The following RORA variants were observed in gnomAD, a reference collection of about 807,000 sequenced individuals.
RORA encodes the protein RAR related orphan receptor A, also known as nuclear receptor ROR-alpha.
A neutral mutation model predicts 69.5 loss-of-function variants in RORA; 7 were observed. That is an observed-to-expected ratio of 0.10 (90% CI 0.06 to 0.19). The LOEUF is 0.19. Among genes scored for constraint, RORA ranks in the 10% least tolerant of loss-of-function variants. RORA has a pLI of 1.00. For missense variants in RORA, 457 were observed against 663.0 expected, an observed-to-expected ratio of 0.69 and a Z score of 3.41; for synonymous variants, 261 against 240.8, an observed-to-expected ratio of 1.08 and a Z score of -0.78.
intron 1 of RORA, among the ~76,000 whole-genome samples, chr15:60,804,293 A>C: frequency 6.7e-6 from 1 of 150,296 alleles, no homozygotes; most frequent in South Asian, 2.1e-4. Flanking sequence ...ATCTCAAAAA[A>C]AAAAAAAAAA....
At chr15:60,998,948 C>G (rs1894658352) in intron 1 of RORA, among the ~76,000 whole-genome samples, 1 of 152,142 alleles carries the variant, frequency 6.6e-6, no homozygotes, top group Non-Finnish European at 1.5e-5. Flanking sequence ...ACAGGGAGGT[C>G]TGTCTCTTTG....
At chr15:60,939,151 C>T (rs1366690777) in intron 1 of RORA, among the ~76,000 whole-genome samples, 1 of 152,226 alleles carries the variant, frequency 6.6e-6, no homozygotes, top group Non-Finnish European at 1.5e-5. Context: ...TCGGAGACTT[C>T]TTGTCATTCC....
At chr15:61,210,138 T>C (rs868368493) in intron 1 of RORA, among the ~76,000 whole-genome samples, 18 of 152,164 alleles carry the variant, frequency 1.2e-4, no homozygotes, top group African/African-American at 3.6e-4. Context: ...TCTAGAAACA[T>C]AGATGTTAAA....
chr15:60,946,732 G>A (rs1205524883), intron 1 of RORA, among the ~76,000 whole-genome samples: 4 of 148,794 alleles, frequency 2.7e-5, no homozygotes, highest in Non-Finnish European at 4.5e-5. Flanking sequence ...GCTGCCCATC[G>A]TCTGGGATGT....
At chr15:60,589,522 G>A (rs1317659253) in intron 2 of RORA, among the ~76,000 whole-genome samples, 1 of 152,202 alleles carries the variant, frequency 6.6e-6, no homozygotes, top group African/African-American at 2.4e-5. Flanking sequence ...TTTATGATGA[G>A]CAGAACAAGT....
intron 1 of RORA, among the ~76,000 whole-genome samples, chr15:60,680,585 C>G (rs1397600996): frequency 6.6e-6 from 1 of 152,018 alleles, no homozygotes; most frequent in South Asian, 2.1e-4. Context: ...ACTTTGGCAA[C>G]AACACAATCT....
chr15:60,615,510 C>T (rs1000764494), intron 2 of RORA, among the ~76,000 whole-genome samples: 1 of 152,134 alleles, frequency 6.6e-6, no homozygotes, highest in Non-Finnish European at 1.5e-5. Context: ...CCGGGGGCTC[C>T]AGCAGCAGCC....
intron 1 of RORA, among the ~76,000 whole-genome samples, chr15:60,955,528 T>C (rs1893241378): frequency 6.6e-6 from 1 of 152,214 alleles, no homozygotes; most frequent in Non-Finnish European, 1.5e-5. Flanking sequence ...TTCATGTCTT[T>C]AAAAATTCCT....
chr15:60,730,357 G>T (rs2071412646), intron 1 of RORA, among the ~76,000 whole-genome samples: 1 of 152,176 alleles, frequency 6.6e-6, no homozygotes, highest in African/African-American at 2.4e-5. Flanking sequence ...ACTGAATTTG[G>T]CCAAATGGTC....
At chr15:61,124,915 C>T (rs2079131060) in intron 1 of RORA, among the ~76,000 whole-genome samples, 1 of 152,194 alleles carries the variant, frequency 6.6e-6, no homozygotes, top group Non-Finnish European at 1.5e-5. Context: ...GGTCTTATTT[C>T]CAGCATCTAA....
intron 1 of RORA, among the ~76,000 whole-genome samples, chr15:60,824,740 A>G (rs2072935637): frequency 6.6e-6 from 1 of 152,250 alleles, no homozygotes; most frequent in Non-Finnish European, 1.5e-5. Flanking sequence ...TTCATAAGAA[A>G]TGCTATAGAA....
intron 1 of RORA, among the ~76,000 whole-genome samples, chr15:61,016,937 T>C (rs1033070588): frequency 6.6e-6 from 1 of 152,196 alleles, no homozygotes; most frequent in African/African-American, 2.4e-5. Flanking sequence ...CGAAGACGTA[T>C]GAATGAATAA....
intron 1 of RORA, among the ~76,000 whole-genome samples, chr15:61,050,251 A>G (rs1035934129): frequency 2.6e-5 from 4 of 152,276 alleles, no homozygotes; most frequent in Middle Eastern, 3.4e-3. Context: ...GAGTCATGAG[A>G]CACGCACCCG....
chr15:61,128,101 C>A lies in RORA; in HGVS notation c.166+100952G>T, dbSNP rs1052961665. Among the ~76,000 whole-genome samples the A allele has an allele frequency of 1.3e-5, 2 of 152,132 alleles. No homozygotes were observed. Among genetic ancestry groups the A allele is most frequent in the African/African-American group, 4.8e-5 (2 of 41,418 alleles). On this transcript the variant is annotated intron_variant, in intron 1 of 10. Transcript: ENST00000335670. This position sits in a 1 kb window ranked among gnomAD's most constrained non-coding sequence, Gnocchi z 4.5. Reference sequence around the variant, plus strand: ...GAGGGAAAATGCTTTTGGTTTCACACTGAAACATAATTTCAAGAGTCAGCT... The same window carrying A: ...GAGGGAAAATGCTTTTGGTTTCACAATGAAACATAATTTCAAGAGTCAGCT...
intron 1 of RORA, among the ~76,000 whole-genome samples, chr15:61,144,561 T>C (rs946692594): frequency 4.6e-5 from 7 of 152,176 alleles, no homozygotes; most frequent in African/African-American, 1.7e-4. Context: ...CTAGTCCATA[T>C]ACAAAAAGAT....
chr15:60,817,922 T>A (rs1343608111), intron 1 of RORA, among the ~76,000 whole-genome samples: 2 of 152,264 alleles, frequency 1.3e-5, no homozygotes, highest in Non-Finnish European at 2.9e-5. Flanking sequence ...GATACAGTTT[T>A]CTTTTCTCTC....
chr15:61,031,267 T>C (rs984222525), intron 1 of RORA, among the ~76,000 whole-genome samples: 1 of 152,224 alleles, frequency 6.6e-6, no homozygotes, highest in Admixed American at 6.5e-5. Context: ...GTAATTTATA[T>C]TTATTTTCTT....
At chr15:61,069,813 A>T (rs2078315509) in intron 1 of RORA, among the ~76,000 whole-genome samples, 1 of 152,200 alleles carries the variant, frequency 6.6e-6, no homozygotes, top group Non-Finnish European at 1.5e-5. Flanking sequence ...CTGAAACCGA[A>T]GATAGATTTA....
chr15:60,891,641 A>G (rs2073813864), intron 1 of RORA, among the ~76,000 whole-genome samples: 1 of 152,208 alleles, frequency 6.6e-6, no homozygotes, highest in African/African-American at 2.4e-5. Flanking sequence ...GCACCTCCAA[A>G]GCCTGTCCTC....
Sources: allele counts gnomAD v4.1 joint callset (sites outside exome capture counted in the v4.1 genomes callset), GRCh38; gene constraint gnomAD v4.1.1; non-coding constraint Gnocchi (gnomAD v3.1); transcripts MANE v1.5; gene names NCBI Gene and HGNC (gene_info 2026-07-23, HGNC 2026-07-21).